Variants in LRFN5 observed in about 807,000 individuals in gnomAD.
The protein encoded by LRFN5 is leucine-rich repeat and fibronectin type-III domain-containing protein 5.
Under a neutral mutation model 45.6 loss-of-function variants are expected in LRFN5, and 24 were observed. The ratio of observed to expected loss-of-function variants is 0.53; its 90% CI spans 0.38 to 0.74. LRFN5 has a LOEUF of 0.74. Among genes scored for constraint, LRFN5 ranks in the 30% least tolerant of loss-of-function variants. LRFN5 has a pLI of 0.00. For missense variants in LRFN5, 776 were observed against 861.5 expected (o/e 0.90, Z 1.24); for synonymous variants, 340 against 313.8 (o/e 1.08, Z -0.88).
chr14:41,792,664 C>T (rs1886969131), intron 2 of LRFN5, among the ~76,000 whole-genome samples: 1 of 151,978 alleles, frequency 6.6e-6, no homozygotes, highest in Non-Finnish European at 1.5e-5. Context: ...CCTGACCCCG[C>T]AGGCAGTCAG....
intron 1 of LRFN5, among the ~76,000 whole-genome samples, chr14:41,730,784 A>T (rs1200509503): frequency 6.6e-6 from 1 of 151,924 alleles, no homozygotes; most frequent in East Asian, 1.9e-4. Context: ...TTATTAAAAT[A>T]AAGCCACCAA....
At chr14:41,677,730 T>C (rs908670922) in intron 1 of LRFN5, among the ~76,000 whole-genome samples, 10 of 151,842 alleles carry the variant, frequency 6.6e-5, no homozygotes, top group African/African-American at 2.4e-4. Context: ...ATAAAGAAAA[T>C]TGAATAAGAA....
chr14:41,888,055 T>G, intron 3 of LRFN5, 45 bp downstream of exon 3: 1 of 1,441,480 alleles, frequency 6.9e-7, no homozygotes, highest in Non-Finnish European at 9.4e-7. Context: ...TGCATCTTAG[T>G]GTAGAATTTG....
intron 1 of LRFN5, among the ~76,000 whole-genome samples, chr14:41,611,391 T>G (rs963619663): frequency 6.6e-6 from 1 of 152,192 alleles, no homozygotes; most frequent in African/African-American, 2.4e-5. Flanking sequence ...TCCACTGTCC[T>G]TGTTAAGAAT....
chr14:41,881,497 T>C (rs1890379844), intron 2 of LRFN5, among the ~76,000 whole-genome samples: 1 of 152,064 alleles, frequency 6.6e-6, no homozygotes, highest in African/African-American at 2.4e-5. Flanking sequence ...ATTTGTTCTT[T>C]TGTGTCTAGG....
chr14:41,745,569 A>C (rs1884886504), intron 1 of LRFN5, among the ~76,000 whole-genome samples: 2 of 152,022 alleles, frequency 1.3e-5, no homozygotes, highest in Non-Finnish European at 2.9e-5. Flanking sequence ...ATAGTAAAAT[A>C]AGAGAGAACA....
intron 2 of LRFN5, among the ~76,000 whole-genome samples, chr14:41,770,023 CATT>C (rs1886023353): frequency 6.6e-6 from 1 of 152,078 alleles, no homozygotes; most frequent in Non-Finnish European, 1.5e-5. Context: ...GGAAGGTAAT[CATT>C]ATGACAGAAG....
intron 1 of LRFN5, among the ~76,000 whole-genome samples, chr14:41,673,352 C>A (rs1449643776): frequency 1.3e-5 from 2 of 149,950 alleles, no homozygotes; most frequent in East Asian, 4.0e-4. Flanking sequence ...GGGCTGACCC[C>A]CCACCTCCCT....
At chr14:41,845,869 T>A (rs917872158) in intron 2 of LRFN5, among the ~76,000 whole-genome samples, 1 of 152,156 alleles carries the variant, frequency 6.6e-6, no homozygotes, top group African/African-American at 2.4e-5. Context: ...TGAAAGTTAG[T>A]TAATTAAGTA....
chr14:41,737,186 G>A (rs1172790044), intron 1 of LRFN5, among the ~76,000 whole-genome samples: 3 of 152,230 alleles, frequency 2.0e-5, no homozygotes, highest in East Asian at 1.9e-4. Context: ...GGCATGCAAG[G>A]CTGGTTCAAT....
At chr14:41,881,249 A>G (rs898164379) in intron 2 of LRFN5, among the ~76,000 whole-genome samples, 2 of 151,900 alleles carry the variant, frequency 1.3e-5, no homozygotes, top group Admixed American at 1.3e-4. Flanking sequence ...TTTTTCTTAG[A>G]TTTTGCCTAG....
chr14:41,849,332 T>G (rs959944105), intron 2 of LRFN5, among the ~76,000 whole-genome samples: 1 of 151,984 alleles, frequency 6.6e-6, no homozygotes, highest in Non-Finnish European at 1.5e-5. Flanking sequence ...CTTCCCAAAC[T>G]GTCTTCCACT....
At chr14:41,761,985 A>C (rs1021087935) in intron 1 of LRFN5, among the ~76,000 whole-genome samples, 7 of 151,954 alleles carry the variant, frequency 4.6e-5, no homozygotes, top group Non-Finnish European at 8.8e-5. Context: ...TTTGGTTTTC[A>C]CTGAATCAGT....
At chr14:41,646,102 C>G (rs1227353221) in intron 1 of LRFN5, among the ~76,000 whole-genome samples, 1 of 152,062 alleles carries the variant, frequency 6.6e-6, no homozygotes, top group African/African-American at 2.4e-5. Flanking sequence ...TCTCAAATAT[C>G]ATTTCTTTGT....
intron 1 of LRFN5, among the ~76,000 whole-genome samples, chr14:41,764,037 C>T (rs751816703): frequency 1.3e-5 from 2 of 151,984 alleles, no homozygotes. Context: ...AAAAAAAAAT[C>T]TTTGTATGGT....
intron 1 of LRFN5, among the ~76,000 whole-genome samples, chr14:41,691,325 T>G (rs1882370177): frequency 6.6e-6 from 1 of 152,126 alleles, no homozygotes; most frequent in South Asian, 2.1e-4. Context: ...CATGTCAAAA[T>G]ATTTTCTAAC....
intron 2 of LRFN5, among the ~76,000 whole-genome samples, chr14:41,800,043 T>G (rs1887271877): frequency 6.6e-6 from 1 of 152,082 alleles, no homozygotes; most frequent in Admixed American, 6.6e-5. Flanking sequence ...GTATTTTTAC[T>G]TAATATGAAT....
chr14:41,816,954 CT>C (rs1421595356), intron 2 of LRFN5, among the ~76,000 whole-genome samples: 3 of 136,328 alleles, frequency 2.2e-5, no homozygotes, highest in African/African-American at 8.1e-5. Flanking sequence ...TTGTTTTGTT[CT>C]TTTTAAAAGT....
At chr14:41,665,875 AATTTT>A (rs1352065512) in intron 1 of LRFN5, among the ~76,000 whole-genome samples, 3 of 151,960 alleles carry the variant, frequency 2.0e-5, no homozygotes, top group Non-Finnish European at 2.9e-5. Context: ...TACTATGTAA[AATTTT>A]ATTTTTATGT....
Sources: gnomAD v4.1 joint callset for allele counts (sites outside exome capture counted in the v4.1 genomes callset) on GRCh38, gnomAD v4.1.1 for gene constraint, MANE v1.5 for transcripts, NCBI Gene and HGNC (gene_info 2026-07-23, HGNC 2026-07-21) for gene names.